SUCLG2: variants seen among roughly 807,000 people sequenced by gnomAD.
The protein encoded by SUCLG2 is succinate--CoA ligase [GDP-forming] subunit beta, mitochondrial.
SUCLG2 carries 42 observed loss-of-function variants against 47.9 expected under a neutral mutation model. That is an observed-to-expected ratio of 0.88 (90% CI 0.69 to 1.14). The LOEUF is 1.14. Among genes scored for constraint, SUCLG2 ranks in the 50% most tolerant of loss-of-function variants. The pLI, the probability that SUCLG2 is intolerant of heterozygous loss-of-function variation, is 0.00. For missense variants in SUCLG2, 571 were observed against 525.9 expected, an observed-to-expected ratio of 1.09 and a Z score of -0.84; for synonymous variants, 195 against 197.3, an observed-to-expected ratio of 0.99 and a Z score of 0.10.
chr3:67,561,887 T>C lies in SUCLG2; in HGVS notation c.227-32701A>G, dbSNP rs180777501. On this transcript the variant is annotated intron_variant, in intron 2 of 10. Coordinates refer to ENST00000307227, the MANE Select transcript of SUCLG2 (RefSeq NM_003848.4). ...ATGCAGAGTTCTTACAAATAAATCT[T>C]GTGTATTGCTAGTTTGCTATTACAC... Among the ~76,000 whole-genome samples, 5 of 152,336 alleles carry C rather than the reference T, an allele frequency of 3.3e-5. No homozygotes were observed. In the East Asian group the frequency reaches 7.7e-4, roughly 23 times the overall value.
intron 2 of SUCLG2, among the ~76,000 whole-genome samples, chr3:67,577,106 G>C (rs1169365335): frequency 1.3e-5 from 2 of 152,088 alleles, no homozygotes; most frequent in African/African-American, 2.4e-5. Context: ...AGGCTGAGGT[G>C]AGCAGATCAC....
chr3:67,482,935 A>C (rs116811663), intron 9 of SUCLG2, among the ~76,000 whole-genome samples: 368 of 152,326 alleles, frequency 2.4e-3, no homozygotes, highest in Non-Finnish European at 4.2e-3. Flanking sequence ...GTTCTAATTG[A>C]GAAAAAAGGA....
At chr3:67,435,507 T>C (rs891037152) in intron 9 of SUCLG2, among the ~76,000 whole-genome samples, 1 of 152,106 alleles carries the variant, frequency 6.6e-6, no homozygotes, top group Non-Finnish European at 1.5e-5. Flanking sequence ...AAAATGAAAA[T>C]GCAAAATTAC....
At chr3:67,530,931 G>C (rs914230981) in intron 2 of SUCLG2, among the ~76,000 whole-genome samples, 1 of 152,210 alleles carries the variant, frequency 6.6e-6, no homozygotes, top group African/African-American at 2.4e-5. Context: ...AAGAACAGTA[G>C]TAAGAGCAAG....
At position 67,535,635 on chromosome 3, in the gene SUCLG2, C is replaced by T. The variant is rs78271084; in HGVS notation, c.227-6449G>A. 5.0e-3 allele frequency among the ~76,000 whole-genome samples: 767 copies of T among 152,176 alleles called. 2 individuals carry two copies. The highest frequency in any genetic ancestry group is 8.7e-3 in the Non-Finnish European group (589 of 67,986). ...TTACCCATCCTCAGGTACTCTTTTA[C>T]AGCAACACTAAATAGACTAAGACAC... On this transcript the variant is annotated intron_variant, in intron 2 of 10. Coordinates refer to ENST00000307227, the MANE Select transcript of SUCLG2 (RefSeq NM_003848.4).
intron 2 of SUCLG2, among the ~76,000 whole-genome samples, chr3:67,549,352 C>T (rs964337830): frequency 4.6e-5 from 7 of 152,190 alleles, no homozygotes; most frequent in African/African-American, 1.7e-4. Context: ...CATCATGGGA[C>T]TCCAGACTTT....
At chr3:67,607,467 T>C (rs1700439929) in intron 2 of SUCLG2, among the ~76,000 whole-genome samples, 1 of 152,140 alleles carries the variant, frequency 6.6e-6, no homozygotes, top group Non-Finnish European at 1.5e-5. Context: ...TAGAAAACTT[T>C]AAAATACTGA....
At chr3:67,591,603 CTG>C (rs1453279154) in intron 2 of SUCLG2, among the ~76,000 whole-genome samples, 1 of 152,162 alleles carries the variant, frequency 6.6e-6, no homozygotes. Context: ...TTTTCTCTTG[CTG>C]CCACCATGTA....
chr3:67,541,780 C>T (rs1301575706), intron 2 of SUCLG2, among the ~76,000 whole-genome samples: 1 of 152,050 alleles, frequency 6.6e-6, no homozygotes, highest in Non-Finnish European at 1.5e-5. Flanking sequence ...AGTCGGGTTA[C>T]CCACAAAGAG....
chr3:67,391,451 G>A (rs1240546733), intron 10 of SUCLG2, among the ~76,000 whole-genome samples: 1 of 152,056 alleles, frequency 6.6e-6, no homozygotes, highest in African/African-American at 2.4e-5. Context: ...AGAAACCTTT[G>A]GGTATTAAAG....
intron 2 of SUCLG2, among the ~76,000 whole-genome samples, chr3:67,547,422 T>G (rs889673858): frequency 6.6e-6 from 1 of 152,352 alleles, no homozygotes; most frequent in Admixed American, 6.5e-5. Context: ...TTCAGCAACA[T>G]GGACATCCAG....
At chr3:67,641,192 A>G (rs994542943) in intron 1 of SUCLG2, among the ~76,000 whole-genome samples, 4 of 152,196 alleles carry the variant, frequency 2.6e-5, no homozygotes, top group African/African-American at 9.7e-5. Flanking sequence ...TCTCAATTGC[A>G]ACTCGTCTGT....
chr3:67,492,150 C>T (rs143478552), intron 9 of SUCLG2, among the ~76,000 whole-genome samples: 2 of 152,300 alleles, frequency 1.3e-5, no homozygotes, highest in African/African-American at 2.4e-5. Flanking sequence ...CAATGAGGTG[C>T]CTTTACTAAT....
intron 2 of SUCLG2, among the ~76,000 whole-genome samples, chr3:67,566,111 G>C (rs527637816): frequency 6.6e-6 from 1 of 152,310 alleles, no homozygotes; most frequent in African/African-American, 2.4e-5. Flanking sequence ...TCAACGACAA[G>C]CACTTGAGTG....
chr3:67,621,514 C>A (rs1700736722), intron 1 of SUCLG2, among the ~76,000 whole-genome samples: 1 of 152,176 alleles, frequency 6.6e-6, no homozygotes, highest in Admixed American at 6.5e-5. Flanking sequence ...TCATATGGCA[C>A]TTAATCTCCA....
At chr3:67,378,272 T>C (rs557014664) in intron 10 of SUCLG2, among the ~76,000 whole-genome samples, 1 of 152,334 alleles carries the variant, frequency 6.6e-6, no homozygotes, top group South Asian at 2.1e-4. Context: ...ACAGCCTTAC[T>C]TCTAATAGAT....
chr3:67,584,826 C>G (rs1256420671), intron 2 of SUCLG2, among the ~76,000 whole-genome samples: 2 of 152,020 alleles, frequency 1.3e-5, no homozygotes, highest in Non-Finnish European at 2.9e-5. Flanking sequence ...CAGGAAGAGC[C>G]CCTTATAAAA....
chr3:67,592,838 G>C (rs929209976), intron 2 of SUCLG2, among the ~76,000 whole-genome samples: 1 of 151,102 alleles, frequency 6.6e-6, no homozygotes. Context: ...GTCACCTCAC[G>C]ATACTGTATA....
Position 67,516,353 on chromosome 3 carries a change from A to G in SUCLG2, c.660+1894T>C, listed in dbSNP as rs182141685. ...TGTTTCAGGTACCAGGAAAACAAGA[A>G]TAAGCCATTTAAGAGCTGTAAATAA... On this transcript the variant is annotated intron_variant, in intron 6 of 10. Coordinates refer to ENST00000307227, the MANE Select transcript of SUCLG2 (RefSeq NM_003848.4). Among the ~76,000 whole-genome samples, 389 of 152,294 alleles carry G rather than the reference A, an allele frequency of 2.6e-3. 5 individuals are homozygous for G. The highest frequency in any genetic ancestry group is 8.8e-3 in the African/African-American group (364 of 41,548).
Sources: gnomAD v4.1 joint callset for allele counts (sites outside exome capture counted in the v4.1 genomes callset) on GRCh38, gnomAD v4.1.1 for gene constraint, MANE v1.5 for transcripts, NCBI Gene and HGNC (gene_info 2026-07-23, HGNC 2026-07-21) for gene names.